Variants in PHF21A observed in about 807,000 individuals in gnomAD.
PHF21A encodes the protein BHC80a.
In PHF21A, 11 loss-of-function variants were observed where a neutral mutation model predicts 82.5. That is an observed-to-expected ratio of 0.13 (90% CI 0.08 to 0.22). The LOEUF is 0.22. Ranked by LOEUF, PHF21A falls within the 10% of genes least tolerant of loss-of-function variation. The pLI is 1.00. For synonymous variants in PHF21A, 297 were observed against 302.8 expected, an observed-to-expected ratio of 0.98 and a Z score of 0.20; for missense variants, 579 against 837.8, an observed-to-expected ratio of 0.69 and a Z score of 3.81.
intron 10 of PHF21A, among the ~76,000 whole-genome samples, chr11:45,958,449 T>TATATACACACACACAC (rs780397923): frequency 5.3e-4 from 8 of 15,072 alleles, no homozygotes; most frequent in African/African-American, 1.5e-3. Flanking sequence ...TATATATATA[T>TATATACACACACACAC]ACACACACAC....
At chr11:46,087,803 TAAAGTGC>T (rs1234122691) in intron 3 of PHF21A, among the ~76,000 whole-genome samples, 1 of 152,206 alleles carries the variant, frequency 6.6e-6, no homozygotes, top group Non-Finnish European at 1.5e-5. Flanking sequence ...TCACCCAGGC[TAAAGTGC>T]AGTGGTGCGA....
In PHF21A at chr11:45,990,665, G is replaced by GTC. The variant is rs2094664542; in HGVS notation, c.154-10700_154-10699insGA. ...ATACAGCAAAAGTATTGACATGCAT[G>GTC]GTCAAAAGAGGACACTACAATGAAC... On this transcript the variant is annotated intron_variant, in intron 6 of 18. Coordinates refer to ENST00000676320, the MANE Select transcript of PHF21A (RefSeq NM_001352027.3). Among the ~76,000 whole-genome samples the GTC allele has an allele frequency of 3.3e-5, 5 of 151,140 alleles. No homozygotes were observed. In the South Asian group the frequency reaches 1.0e-3, roughly 32 times the overall value.
intron 6 of PHF21A, among the ~76,000 whole-genome samples, chr11:46,047,300 T>C (rs2096272250): frequency 6.6e-6 from 1 of 152,204 alleles, no homozygotes; most frequent in Admixed American, 6.5e-5. Context: ...GTGGTTACTA[T>C]TATACACTGC....
At chr11:45,964,278 T>C (rs1241750351) in intron 10 of PHF21A, among the ~76,000 whole-genome samples, 3 of 151,350 alleles carry the variant, frequency 2.0e-5, no homozygotes. Context: ...GGGGTTTGAA[T>C]AGGTTCCCCA....
chr11:46,057,150 A>G (rs11038755), intron 6 of PHF21A, among the ~76,000 whole-genome samples: 3,185 of 152,320 alleles, frequency 0.021, 44 homozygotes, highest in Middle Eastern at 0.034. Context: ...AACTAAGAGC[A>G]GAACAGTTTT....
At chr11:46,030,088 C>T (rs919563562) in intron 6 of PHF21A, among the ~76,000 whole-genome samples, 11 of 152,142 alleles carry the variant, frequency 7.2e-5, no homozygotes, top group Non-Finnish European at 1.3e-4. Context: ...TTATTCATTA[C>T]GGTCTTTGGA....
At chr11:46,041,829 G>A (rs917792756) in intron 6 of PHF21A, among the ~76,000 whole-genome samples, 3 of 151,978 alleles carry the variant, frequency 2.0e-5, no homozygotes, top group Admixed American at 6.6e-5. Context: ...CTGAAAGTAC[G>A]CCAGATGACA....
chr11:45,953,151 T>C (rs1375776437), intron 11 of PHF21A, among the ~76,000 whole-genome samples: 2 of 152,192 alleles, frequency 1.3e-5, no homozygotes, highest in Non-Finnish European at 2.9e-5. Context: ...CTGAGTGAAC[T>C]AGATATCTTA....
intron 4 of PHF21A, among the ~76,000 whole-genome samples, 171 bp downstream of exon 4, chr11:46,083,995 A>G (rs2096825550): frequency 2.0e-5 from 3 of 152,224 alleles, no homozygotes; most frequent in African/African-American, 4.8e-5. Context: ...AAGTTCTTAA[A>G]AGCAGTATCT....
chr11:45,989,921 G>A (rs1245669951), intron 6 of PHF21A, among the ~76,000 whole-genome samples: 3 of 152,072 alleles, frequency 2.0e-5, no homozygotes, highest in Non-Finnish European at 2.9e-5. Flanking sequence ...GAGCCCAGGA[G>A]GTTGAGGCTG....
rs2091214920 is a variant in PHF21A at position 45,945,889 on chromosome 11, A to T, written c.1403T>A (p.Phe468Tyr). ...ENEKTETTFT[F>Y]PAPVQPVSLP... The stretch of plus-strand genomic sequence containing the variant: ...GGACACAGGCTGAACAGGTGCAGGG[A>T]AAGTGAATGTGGTCTCTGTCTTTTC... The change falls in exon 15 of 19, where the codon TTC becomes TAC. Residue 468 changes from phenylalanine to tyrosine, a missense_variant. Transcript: ENST00000676320. The T allele has an allele frequency of 6.2e-7, 1 of 1,610,222 alleles. No homozygotes were observed. The highest frequency in any genetic ancestry group is 1.3e-5 in the African/African-American group (1 of 74,606).
intron 6 of PHF21A, among the ~76,000 whole-genome samples, chr11:46,011,841 TTCTC>T (rs2095420211): frequency 2.0e-5 from 3 of 152,248 alleles, no homozygotes; most frequent in South Asian, 4.1e-4. Flanking sequence ...CTTCTTTTTA[TTCTC>T]TCTATGCAAC....
chr11:46,037,704 T>A (rs1361001385), intron 6 of PHF21A, among the ~76,000 whole-genome samples: 1 of 151,932 alleles, frequency 6.6e-6, no homozygotes, highest in Non-Finnish European at 1.5e-5. Flanking sequence ...TAAGTAACTT[T>A]TTTGGTGGTT....
intron 6 of PHF21A, among the ~76,000 whole-genome samples, chr11:45,999,071 C>A (rs1355450822): frequency 2.6e-5 from 4 of 152,130 alleles, no homozygotes; most frequent in African/African-American, 7.2e-5. Flanking sequence ...AAGTGATCTG[C>A]CCGCCTCAGC....
At chr11:45,941,630 A>C (rs1382938628) in intron 15 of PHF21A, among the ~76,000 whole-genome samples, 1 of 152,224 alleles carries the variant, frequency 6.6e-6, no homozygotes, top group East Asian at 1.9e-4. Context: ...AAAACATTTT[A>C]CCCATACAGA....
chr11:46,029,717 T>C (rs936056427), intron 6 of PHF21A, among the ~76,000 whole-genome samples: 1 of 151,688 alleles, frequency 6.6e-6, no homozygotes, highest in Non-Finnish European at 1.5e-5. Context: ...TCCTTAAATA[T>C]GTACAACCTA....
At chr11:46,012,621 A>G (rs1416890663) in intron 6 of PHF21A, among the ~76,000 whole-genome samples, 1 of 152,184 alleles carries the variant, frequency 6.6e-6, no homozygotes, top group African/African-American at 2.4e-5. Flanking sequence ...GAGGTAACAT[A>G]TATCAATATA....
chr11:46,055,544 C>T (rs564680476), intron 6 of PHF21A, among the ~76,000 whole-genome samples: 1 of 152,236 alleles, frequency 6.6e-6, no homozygotes, highest in East Asian at 1.9e-4. Flanking sequence ...ATGCTAGCCA[C>T]AGGTTTCTTT....
intron 6 of PHF21A, among the ~76,000 whole-genome samples, chr11:46,021,095 T>C (rs1285534048): frequency 1.3e-5 from 2 of 151,818 alleles, no homozygotes; most frequent in Non-Finnish European, 1.5e-5. Flanking sequence ...GGTCTTACTC[T>C]ACCACTCAGG....
Sources: gnomAD v4.1 joint callset for allele counts (sites outside exome capture counted in the v4.1 genomes callset) on GRCh38, gnomAD v4.1.1 for gene constraint, MANE v1.5 for transcripts, NCBI Gene and HGNC (gene_info 2026-07-23, HGNC 2026-07-21) for gene names.